Variants in LMNTD1 observed in about 807,000 individuals in gnomAD.
The protein encoded by LMNTD1 is lamin tail domain-containing protein 1.
LMNTD1 carries 35 observed loss-of-function variants against 50.9 expected under a neutral mutation model. The observed-to-expected ratio is 0.69, with a 90% CI of 0.53 to 0.91. LMNTD1 has a LOEUF of 0.91. Ranked by LOEUF, LMNTD1 falls within the 40% of genes least tolerant of loss-of-function variation. The pLI is 0.00. For synonymous variants in LMNTD1, 153 were observed against 161.9 expected (o/e 0.94, Z 0.42); for missense variants, 470 against 475.5 (o/e 0.99, Z 0.11).
intron 1 of LMNTD1, among the ~76,000 whole-genome samples, chr12:25,633,594 A>C (rs1278328598): frequency 6.6e-6 from 1 of 152,218 alleles, no homozygotes; most frequent in Non-Finnish European, 1.5e-5. Flanking sequence ...CAAAAATGAA[A>C]TCAAGATGTA....
Position 25,546,538 on chromosome 12 carries a change from T to A in LMNTD1, c.327A>T (p.Ser109=). 6.4e-7 allele frequency: 1 copy of A among 1,558,432 alleles called. No individual in the cohort carries two copies. The highest frequency in any genetic ancestry group is 8.7e-7 in the Non-Finnish European group (1 of 1,149,938). ...VENSLDASPF[S]VPKKQDESPM... Reference sequence around the variant, plus strand: ...GTGATTCATCCTGTTTCTTCGGAACTGAGAAGGGGCTGGCATCTTTCAAGT... The same window carrying A: ...GTGATTCATCCTGTTTCTTCGGAACAGAGAAGGGGCTGGCATCTTTCAAGT... Residue 109 remains serine, a synonymous_variant, in exon 4 of 10, where the codon TCA becomes TCT. Coordinates refer to ENST00000458174, the MANE Select transcript of LMNTD1 (RefSeq NM_001145728.2).
chr12:25,611,286 C>G (rs951163259), intron 1 of LMNTD1, among the ~76,000 whole-genome samples: 1 of 152,004 alleles, frequency 6.6e-6, no homozygotes, highest in African/African-American at 2.4e-5. Context: ...AAGGAGACCA[C>G]GAAGATAAAT....
intron 1 of LMNTD1, among the ~76,000 whole-genome samples, chr12:25,625,410 G>C (rs556583847): frequency 2.0e-5 from 3 of 152,216 alleles, no homozygotes; most frequent in African/African-American, 7.2e-5. Context: ...GCCAGGAAAT[G>C]GGTATTCTGG....
intron 1 of LMNTD1, among the ~76,000 whole-genome samples, chr12:25,616,514 T>C (rs1429951442): frequency 6.6e-6 from 1 of 152,038 alleles, no homozygotes; most frequent in Non-Finnish European, 1.5e-5. Context: ...AAGATTCAAG[T>C]TTGTCAGAGG....
rs1944833671 is a variant in LMNTD1 at position 25,572,417 on chromosome 12, C to A, written c.59-25863G>T. 2.0e-5 allele frequency among the ~76,000 whole-genome samples: 3 copies of A among 152,114 alleles called. 1 individual carries two copies. In the South Asian group the frequency reaches 6.2e-4, roughly 31 times the overall value. ...TGGCATACAAGAATGTTTTTATATT[C>A]TTTCCAAAGCGTCAATATAAATTAA... On this transcript the variant is annotated intron_variant, in intron 1 of 7. Transcript: ENST00000445693.
intron 1 of LMNTD1, among the ~76,000 whole-genome samples, chr12:25,638,613 A>G (rs2136617980): frequency 6.6e-6 from 1 of 152,178 alleles, no homozygotes; most frequent in South Asian, 2.1e-4. Flanking sequence ...AGTACTTAGG[A>G]CTAAATTTAA....
chr12:25,484,682 G>A (rs1183659756), intron 9 of LMNTD1, among the ~76,000 whole-genome samples: 1 of 125,094 alleles, frequency 8.0e-6, no homozygotes, highest in Non-Finnish European at 1.6e-5. Context: ...AGTCCCCAGA[G>A]TGTGATATTC....
chr12:25,476,656 G>T (rs993040221), intron 9 of LMNTD1, among the ~76,000 whole-genome samples, 196 bp from the exon 10 acceptor site: 2 of 152,170 alleles, frequency 1.3e-5, no homozygotes, highest in Non-Finnish European at 2.9e-5. Flanking sequence ...TTGCATGGAT[G>T]CTTGGGTTGA....
rs114590036 is a variant in LMNTD1 at position 25,503,585 on chromosome 12, C to G, written c.*22+153G>C. ...AACATGAAGACAAAAACTGATGGCT[C>G]TAAAGGCAACATAAATATTTAACAG... On this transcript the variant is annotated intron_variant, in intron 9 of 9. Transcript: ENST00000458174. Among the ~76,000 whole-genome samples the G allele has an allele frequency of 2.5e-3, 376 of 152,212 alleles. 2 individuals are homozygous for G. Among genetic ancestry groups the G allele is most frequent in the African/African-American group, 8.6e-3 (358 of 41,526 alleles).
At chr12:25,640,126 T>C (rs2136622016) in intron 1 of LMNTD1, among the ~76,000 whole-genome samples, 1 of 152,266 alleles carries the variant, frequency 6.6e-6, no homozygotes, top group Admixed American at 6.5e-5. Flanking sequence ...GATTAGTAAT[T>C]GCCTCAAGCT....
chr12:25,591,265 G>A (rs1945687314), intron 1 of LMNTD1, among the ~76,000 whole-genome samples: 1 of 152,052 alleles, frequency 6.6e-6, no homozygotes, highest in Admixed American at 6.5e-5. Context: ...GAGCCACCTG[G>A]GAGTGGTATA....
At chr12:25,614,172 C>T (rs1239763780) in intron 1 of LMNTD1, among the ~76,000 whole-genome samples, 4 of 152,018 alleles carry the variant, frequency 2.6e-5, no homozygotes, top group African/African-American at 4.8e-5. Flanking sequence ...GTGGGGTAAG[C>T]GATGTCCTCT....
intron 1 of LMNTD1, among the ~76,000 whole-genome samples, chr12:25,606,481 C>T (rs1262787579): frequency 6.6e-6 from 1 of 152,124 alleles, no homozygotes; most frequent in East Asian, 1.9e-4. Context: ...TCATAGATAG[C>T]ACTTATTATT....
upstream of LMNTD1, among the ~76,000 whole-genome samples, chr12:25,553,671 G>A (rs1591999786): frequency 6.6e-6 from 1 of 152,046 alleles, no homozygotes; most frequent in South Asian, 2.1e-4. Context: ...TAAAATCAAA[G>A]CCAGAACACC....
intron 9 of LMNTD1, among the ~76,000 whole-genome samples, chr12:25,492,919 C>T (rs1003752973): frequency 6.6e-6 from 1 of 152,110 alleles, no homozygotes; most frequent in Admixed American, 6.6e-5. Flanking sequence ...TCTTTTATTC[C>T]ATATTCTAAA....
intron 4 of LMNTD1, among the ~76,000 whole-genome samples, chr12:25,544,367 C>A (rs111340446): frequency 6.6e-6 from 1 of 150,890 alleles, no homozygotes; most frequent in Admixed American, 6.6e-5. Flanking sequence ...TCTATTTTAT[C>A]TAAGTATAGC....
intron 9 of LMNTD1, among the ~76,000 whole-genome samples, chr12:25,497,354 G>A (rs1939121750): frequency 6.6e-6 from 1 of 152,004 alleles, no homozygotes; most frequent in Non-Finnish European, 1.5e-5. Context: ...GCCTTGCAGA[G>A]GATCCCTGTT....
chr12:25,554,752 A>G (rs1168239258), upstream of LMNTD1, among the ~76,000 whole-genome samples: 1 of 152,164 alleles, frequency 6.6e-6, no homozygotes, highest in Non-Finnish European at 1.5e-5. Flanking sequence ...CTAGGCATTC[A>G]TGCAGGTGAA....
intron 1 of LMNTD1, among the ~76,000 whole-genome samples, chr12:25,598,190 A>C (rs1051778117): frequency 1.3e-5 from 2 of 152,166 alleles, no homozygotes; most frequent in Non-Finnish European, 1.5e-5. Context: ...AGTGTTGGGT[A>C]TGTCTTTGTT....
Sources: allele counts gnomAD v4.1 joint callset (sites outside exome capture counted in the v4.1 genomes callset), GRCh38; gene constraint gnomAD v4.1.1; transcripts MANE v1.5; gene names NCBI Gene and HGNC (gene_info 2026-07-23, HGNC 2026-07-21).